TYW3: variants seen among roughly 807,000 people sequenced by gnomAD.
TYW3 encodes the protein tRNA-yW synthesizing protein 3 homolog.
Under a neutral mutation model 23.1 loss-of-function variants are expected in TYW3, and 26 were observed. That is an observed-to-expected ratio of 1.13 (90% CI 0.83 to 1.56). The LOEUF (loss-of-function observed/expected upper bound fraction) is 1.56. Ranked by LOEUF, TYW3 falls within the 40% of genes most tolerant of loss-of-function variation. TYW3 has a pLI of 0.00. For synonymous variants in TYW3, 102 were observed against 105.7 expected, an observed-to-expected ratio of 0.97 and a Z score of 0.21; for missense variants, 316 against 311.9, an observed-to-expected ratio of 1.01 and a Z score of -0.10.
chr1:74,764,943 C>T lies in TYW3; in HGVS notation c.*830C>T, dbSNP rs967347327. 1 of 152,128 alleles carries T rather than the reference C, an allele frequency of 6.6e-6. No individual in the cohort carries two copies. The highest frequency in any genetic ancestry group is 1.5e-5 in the Non-Finnish European group (1 of 68,038). 9.4% of individuals were successfully genotyped at this position (152,128 alleles called of 1,614,324 possible). A position where few individuals can be genotyped will look rare whatever the true frequency, so the allele number is the denominator to read the frequency against. On this transcript the variant is annotated 3_prime_UTR_variant, in exon 6 of 6. Coordinates refer to ENST00000370867, the MANE Select transcript of TYW3 (RefSeq NM_138467.3). Reference sequence around the variant, plus strand: ...GATGCGAGTCAAGGTAGTTGATGCCCAACTGTGAAGGGCCGTTCTAATCTA... The same window carrying T: ...GATGCGAGTCAAGGTAGTTGATGCCTAACTGTGAAGGGCCGTTCTAATCTA...
At chr1:74,747,896 C>T (rs1648641523) in intron 3 of TYW3, among the ~76,000 whole-genome samples, 1 of 150,032 alleles carries the variant, frequency 6.7e-6, no homozygotes, top group South Asian at 2.1e-4. Flanking sequence ...TACACATATA[C>T]ACACATATAT....
intron 5 of TYW3, among the ~76,000 whole-genome samples, chr1:74,756,249 G>A (rs1384648656): frequency 6.6e-6 from 1 of 152,224 alleles, no homozygotes; most frequent in Non-Finnish European, 1.5e-5. Context: ...AAGCGACTTT[G>A]GAACTGGGTA....
intron 2 of TYW3, 58 bp from the exon 3 acceptor site, chr1:74,738,632 A>G (rs1648235580): frequency 1.6e-6 from 2 of 1,227,042 alleles, no homozygotes; most frequent in Non-Finnish European, 2.3e-6. Context: ...TATGGGGTAA[A>G]GGGTCGCCAA....
Position 74,755,257 on chromosome 1 carries a change from A to G in TYW3, c.560+2832A>G, listed in dbSNP as rs567396503. 2.0e-5 allele frequency among the ~76,000 whole-genome samples: 3 copies of G among 152,324 alleles called. No individual in the cohort carries two copies. The South Asian group carries it at 6.2e-4, about 32-fold the overall frequency. ...TGGCATTAAGTGCATTCACATTGTT[A>G]TGCAACTGTCGCCACTGTCCATCTC... On this transcript the variant is annotated intron_variant, in intron 5 of 5. Transcript: ENST00000370867.
intron 4 of TYW3, among the ~76,000 whole-genome samples, chr1:74,750,855 T>G: frequency 7.1e-6 from 1 of 139,866 alleles, no homozygotes; most frequent in Non-Finnish European, 1.5e-5. Flanking sequence ...TTGCCCAGAC[T>G]GTAGTGCAAT....
At chr1:74,763,602 A>T (rs1250247096) in intron 5 of TYW3, among the ~76,000 whole-genome samples, 1 of 152,094 alleles carries the variant, frequency 6.6e-6, no homozygotes, top group African/African-American at 2.4e-5. Context: ...CATTACATTT[A>T]TGTAATAATA....
At chr1:74,743,052 C>G (rs898432701) in intron 3 of TYW3, among the ~76,000 whole-genome samples, 10 of 152,192 alleles carry the variant, frequency 6.6e-5, no homozygotes, top group African/African-American at 2.4e-4. Context: ...GTTGGGTCAG[C>G]TGGTTGGGGG....
chr1:74,735,422 C>T lies in TYW3; in HGVS notation c.175-1120C>T, dbSNP rs542958547. Among the ~76,000 whole-genome samples, 8 of 152,298 alleles carry T rather than the reference C, an allele frequency of 5.3e-5. No individual in the cohort carries two copies. The South Asian group carries it at 1.2e-3, about 24-fold the overall frequency. ...TCCCACCTGAACCCACAAACACATA[C>T]TACCTACTTGGAAGTAATGACTGCT... On this transcript the variant is annotated intron_variant, in intron 1 of 5. Transcript: ENST00000370867.
chr1:74,766,044 T>C lies in TYW3; in HGVS notation c.*1931T>C, dbSNP rs1570089860. ...GATGGACCATATACCATATACGATA[T>C]GGTGGCCCCATAAGATTATAATGGA... is the stretch of plus-strand genomic sequence containing the variant. On this transcript the variant is annotated 3_prime_UTR_variant, in exon 6 of 6. Coordinates refer to ENST00000370867, the MANE Select transcript of TYW3 (RefSeq NM_138467.3). The C allele has an allele frequency of 6.6e-6, 1 of 152,134 alleles. No individual in the cohort carries two copies. The highest frequency in any genetic ancestry group is 6.6e-5 in the Admixed American group (1 of 15,260). The allele number at this position is 152,134 out of a possible 1,614,324, so 9.4% of individuals were successfully genotyped here.
chr1:74,748,599 T>A (rs1648669003), intron 3 of TYW3, 152 bp from the exon 4 acceptor site: 1 of 648,526 alleles, frequency 1.5e-6, no homozygotes, highest in Non-Finnish European at 2.7e-6. Context: ...ATCAAAGTCA[T>A]TTTTAAGCAT....
chr1:74,737,855 A>T (rs886997229), intron 2 of TYW3, among the ~76,000 whole-genome samples: 1 of 152,188 alleles, frequency 6.6e-6, no homozygotes, highest in Admixed American at 6.5e-5. Flanking sequence ...AAGAGACTAC[A>T]CAAGATCTAG....
chr1:74,757,113 C>T lies in TYW3; in HGVS notation c.560+4688C>T, dbSNP rs369097794. ...CCCAGATGGAAGTTTAGTGCAGAGG[C>T]GGGGCCCTCATGGAGAACCTCTGCT... On this transcript the variant is annotated intron_variant, in intron 5 of 5. Coordinates refer to ENST00000370867, the MANE Select transcript of TYW3 (RefSeq NM_138467.3). 1.6e-4 allele frequency among the ~76,000 whole-genome samples: 24 copies of T among 152,320 alleles called. No homozygotes were observed. In the East Asian group the frequency reaches 4.1e-3, roughly 26 times the overall value.
At chr1:74,758,744 T>G (rs966823793) in intron 5 of TYW3, among the ~76,000 whole-genome samples, 14 of 152,196 alleles carry the variant, frequency 9.2e-5, no homozygotes, top group African/African-American at 3.4e-4. Flanking sequence ...GTATTTCTAT[T>G]ACATTGAATT....
In TYW3 at chr1:74,752,316, G is replaced by A. The variant is rs1648812283; in HGVS notation, c.451G>A (p.Glu151Lys). The A allele has an allele frequency of 6.2e-7, 1 of 1,612,042 alleles. No homozygotes were observed. The highest frequency in any genetic ancestry group is 8.5e-7 in the Non-Finnish European group (1 of 1,178,938). The change falls in exon 5 of 6, where the codon GAA (glutamate) becomes AAA (lysine). Residue 151 changes from glutamate to lysine, a missense_variant. Coordinates refer to ENST00000370867, the MANE Select transcript of TYW3 (RefSeq NM_138467.3). ...MLAVRSTHGL[E>K]VPLSHKGKLM... ...GGCTGTCCGGAGTACACATGGCTTA[G>A]AAGTTCCATTAAGCCATAAGGGAAA...
intron 1 of TYW3, among the ~76,000 whole-genome samples, chr1:74,735,720 C>T (rs1273203988): frequency 2.0e-5 from 3 of 152,150 alleles, no homozygotes; most frequent in Non-Finnish European, 4.4e-5. Flanking sequence ...ATGTCAGATA[C>T]GTAAGTCACC....
chr1:74,743,506 A>T (rs1438913144), intron 3 of TYW3, among the ~76,000 whole-genome samples: 2 of 151,892 alleles, frequency 1.3e-5, no homozygotes, highest in African/African-American at 4.8e-5. Flanking sequence ...AGGGGAGTAT[A>T]TTTTCTTAAG....
At chr1:74,743,577 G>A (rs113242773) in intron 3 of TYW3, among the ~76,000 whole-genome samples, 4,245 of 152,252 alleles carry the variant, frequency 0.028, 78 homozygotes, top group Middle Eastern at 0.054. Flanking sequence ...AGTTATGGTG[G>A]ACATCGTTGA....
rs923370619 is a variant in TYW3 at position 74,748,694 on chromosome 1, A to G, written c.355-57A>G. ...TATGTTTCTGTAGTTTGTGGAGCCA[A>G]ACAGATGATCTGGTTACCCACAGTA... is the stretch of plus-strand genomic sequence containing the variant. On this transcript the variant is annotated intron_variant, in intron 3 of 5. Coordinates refer to ENST00000370867, the MANE Select transcript of TYW3 (RefSeq NM_138467.3). 4.1e-5 allele frequency: 56 copies of G among 1,371,026 alleles called. No homozygotes were observed. The African/African-American group carries it at 5.8e-4, about 14-fold the overall frequency. The allele number at this position is 1,371,026 out of a possible 1,614,324, so 84.9% of individuals were successfully genotyped here.
At chr1:74,747,420 G>A (rs1445333886) in intron 3 of TYW3, among the ~76,000 whole-genome samples, 2 of 151,766 alleles carry the variant, frequency 1.3e-5, no homozygotes, top group African/African-American at 4.8e-5. Flanking sequence ...GGCGGATCAC[G>A]AGGTCAGGAG....
Sources: allele counts gnomAD v4.1 joint callset (sites outside exome capture counted in the v4.1 genomes callset), GRCh38; gene constraint gnomAD v4.1.1; transcripts MANE v1.5; gene names NCBI Gene and HGNC (gene_info 2026-07-23, HGNC 2026-07-21).